Variants in CNTNAP2 observed in about 807,000 individuals in gnomAD.
CNTNAP2 encodes contactin associated protein 2.
Under a neutral mutation model 155.2 loss-of-function variants are expected in CNTNAP2, and 98 were observed. The observed-to-expected ratio is 0.63, with a 90% CI of 0.54 to 0.75. The LOEUF is 0.75. CNTNAP2 is among the 30% of genes least tolerant of loss of function. The pLI is 0.00. For missense variants in CNTNAP2, 1,727 were observed against 1,688.1 expected, an observed-to-expected ratio of 1.02 and a Z score of -0.40; for synonymous variants, 651 against 631.2, an observed-to-expected ratio of 1.03 and a Z score of -0.47.
At chr7:146,390,213 A>G (rs1006135737) in intron 1 of CNTNAP2, among the ~76,000 whole-genome samples, 5 of 152,214 alleles carry the variant, frequency 3.3e-5, no homozygotes, top group Admixed American at 2.0e-4. Flanking sequence ...TGTAAATACA[A>G]AAGTAAATAT....
Position 147,002,944 on chromosome 7 carries a change from CAAAAAAAAAA to C in CNTNAP2, c.403-40949_403-40940del, listed in dbSNP as rs773401142. 3.6e-3 allele frequency among the ~76,000 whole-genome samples: 193 copies of C among 52,946 alleles called. 5 individuals carry two copies. The highest frequency in any genetic ancestry group is 6.9e-3 in the East Asian group (13 of 1,874). 34.7% of individuals were successfully genotyped at this position (52,946 alleles called of 152,430 possible). A position where few individuals can be genotyped will look rare whatever the true frequency, so the allele number is the denominator to read the frequency against. ...CAGAACATAGCAAGGATGTTCCTTC[CAAAAAAAAAA>C]AAAAAAAAAAAAAGAAGAAGCAGCA... On this transcript the variant is annotated intron_variant, in intron 3 of 23. Transcript: ENST00000361727.
chr7:147,111,325 C>T (rs959880599), intron 5 of CNTNAP2, among the ~76,000 whole-genome samples: 1 of 152,174 alleles, frequency 6.6e-6, no homozygotes, highest in Non-Finnish European at 1.5e-5. Context: ...GTTGTCTGTT[C>T]ACTCTGATGA....
chr7:148,061,812 A>AGG (rs1803137331), intron 15 of CNTNAP2, among the ~76,000 whole-genome samples: 1 of 147,576 alleles, frequency 6.8e-6, no homozygotes, highest in African/African-American at 2.5e-5. Flanking sequence ...ACATGTGTGC[A>AGG]TGTGTGTGTG....
intron 1 of CNTNAP2, among the ~76,000 whole-genome samples, chr7:146,408,144 G>C (rs1310915810): frequency 6.6e-6 from 1 of 151,902 alleles, no homozygotes; most frequent in Non-Finnish European, 1.5e-5. Flanking sequence ...AACCGTATCT[G>C]GAAAAAAGTC....
At chr7:147,223,775 T>C (rs1365495772) in intron 8 of CNTNAP2, among the ~76,000 whole-genome samples, 1 of 151,834 alleles carries the variant, frequency 6.6e-6, no homozygotes, top group Non-Finnish European at 1.5e-5. Context: ...ACCCCATCTC[T>C]ACTAAAAATA....
At chr7:148,259,179 T>TA (rs34229180) in intron 20 of CNTNAP2, among the ~76,000 whole-genome samples, 2,485 of 24,020 alleles carry the variant, frequency 0.1, 752 homozygotes, top group Non-Finnish European at 0.14. Flanking sequence ...AACTCCGTCT[T>TA]AAAAAAAAAA....
intron 9 of CNTNAP2, among the ~76,000 whole-genome samples, chr7:147,335,379 G>C (rs1446231160): frequency 6.6e-6 from 1 of 152,070 alleles, no homozygotes; most frequent in African/African-American, 2.4e-5. Context: ...CCTGTCATTT[G>C]ATCTTTATGA....
chr7:147,419,019 A>G (rs1410108770), intron 10 of CNTNAP2, among the ~76,000 whole-genome samples: 1 of 152,218 alleles, frequency 6.6e-6, no homozygotes, highest in Non-Finnish European at 1.5e-5. Context: ...GGTTCAAAGC[A>G]TGCTTCCTAA....
chr7:148,356,534 A>G (rs1448903031), intron 21 of CNTNAP2, among the ~76,000 whole-genome samples: 1 of 152,208 alleles, frequency 6.6e-6, no homozygotes, highest in Non-Finnish European at 1.5e-5. Context: ...CAGATCCAAG[A>G]GGTGAAGGCT....
intron 16 of CNTNAP2, among the ~76,000 whole-genome samples, chr7:148,130,496 G>C (rs1804807413): frequency 6.6e-6 from 1 of 152,164 alleles, no homozygotes; most frequent in African/African-American, 2.4e-5. Context: ...CCTCCCTAGT[G>C]AGGCCAAATT....
intron 3 of CNTNAP2, among the ~76,000 whole-genome samples, chr7:147,024,608 T>A (rs1305817805): frequency 6.6e-6 from 1 of 151,842 alleles, no homozygotes; most frequent in South Asian, 2.1e-4. Flanking sequence ...ACAATAAAAA[T>A]TTAATTTAAA....
At chr7:147,695,732 G>T (rs565074664) in intron 13 of CNTNAP2, among the ~76,000 whole-genome samples, 3 of 152,248 alleles carry the variant, frequency 2.0e-5, no homozygotes, top group Middle Eastern at 3.4e-3. Flanking sequence ...AACCCGGGAG[G>T]CGAAGGTTGC....
At chr7:148,183,444 A>G (rs1170273000) in intron 18 of CNTNAP2, among the ~76,000 whole-genome samples, 3 of 149,972 alleles carry the variant, frequency 2.0e-5, no homozygotes, top group African/African-American at 7.4e-5. Flanking sequence ...TTGAAATAAT[A>G]CAATTGATAT....
chr7:146,667,602 G>A (rs1377479577), intron 1 of CNTNAP2, among the ~76,000 whole-genome samples: 1 of 151,706 alleles, frequency 6.6e-6, no homozygotes, highest in African/African-American at 2.4e-5. Context: ...TCTGATACAT[G>A]AGTATGATGT....
At chr7:147,270,229 A>C (rs1362064773) in intron 8 of CNTNAP2, among the ~76,000 whole-genome samples, 1 of 152,190 alleles carries the variant, frequency 6.6e-6, no homozygotes, top group Non-Finnish European at 1.5e-5. Flanking sequence ...TACTGGCCAC[A>C]GGTGCCTATG....
intron 1 of CNTNAP2, among the ~76,000 whole-genome samples, chr7:146,580,612 C>T (rs1798597681): frequency 6.6e-6 from 1 of 151,996 alleles, no homozygotes; most frequent in African/African-American, 2.4e-5. Flanking sequence ...TTCTTCTTTC[C>T]TGGCCCACAC....
chr7:147,945,868 C>CTTTTTTTTTTTTTTTTTT (rs34305612), intron 14 of CNTNAP2, among the ~76,000 whole-genome samples: 1 of 123,360 alleles, frequency 8.1e-6, no homozygotes, highest in African/African-American at 3.0e-5. Flanking sequence ...TTTTCTTTTT[C>CTTTTTTTTTTTTTTTTTT]TTTTTTTTTT....
intron 10 of CNTNAP2, among the ~76,000 whole-genome samples, chr7:147,466,199 T>C (rs905896514): frequency 2.0e-5 from 3 of 152,218 alleles, no homozygotes; most frequent in Non-Finnish European, 2.9e-5. Flanking sequence ...GATCTAATGC[T>C]AATAGATTTA....
intron 4 of CNTNAP2, among the ~76,000 whole-genome samples, chr7:147,072,864 T>C (rs2129266002): frequency 6.9e-6 from 1 of 144,874 alleles, no homozygotes; most frequent in South Asian, 2.2e-4. Context: ...TTTTTTTTTT[T>C]TTTTTTGAGA....
Sources: allele counts gnomAD v4.1 joint callset (sites outside exome capture counted in the v4.1 genomes callset), GRCh38; gene constraint gnomAD v4.1.1; transcripts MANE v1.5; gene names NCBI Gene and HGNC (gene_info 2026-07-23, HGNC 2026-07-21).